The following ICMT variants were observed in gnomAD, a reference collection of about 807,000 sequenced individuals.
ICMT encodes isoprenylcysteine carboxyl methyltransferase.
In ICMT, 10 loss-of-function variants were observed where a neutral mutation model predicts 32.2. That is an observed-to-expected ratio of 0.31 (90% CI 0.19 to 0.53). ICMT has a LOEUF of 0.53. Ranked by LOEUF, ICMT falls within the 20% of genes least tolerant of loss-of-function variation. The pLI, the probability that ICMT is intolerant of heterozygous loss-of-function variation, is 0.96. For missense variants in ICMT, 265 were observed against 356.9 expected, an observed-to-expected ratio of 0.74 and a Z score of 2.07; for synonymous variants, 183 against 158.2, an observed-to-expected ratio of 1.16 and a Z score of -1.18.
At chr1:6,227,788 G>A (rs1257993965) in intron 4 of ICMT, among the ~76,000 whole-genome samples, 2 of 151,386 alleles carry the variant, frequency 1.3e-5, no homozygotes, top group Non-Finnish European at 2.9e-5. Flanking sequence ...CCCAGGAGGC[G>A]GAGCTTGCAG....
chr1:6,233,458 C>A lies in ICMT; in HGVS notation c.454+16G>T, dbSNP rs1668768628. The A allele has an allele frequency of 3.7e-6, 6 of 1,609,674 alleles. No homozygotes were observed. The African/African-American group carries it at 8.0e-5, about 22-fold the overall frequency. On this transcript the variant is annotated intron_variant, in intron 3 of 4. Coordinates refer to ENST00000343813, the MANE Select transcript of ICMT (RefSeq NM_012405.4). ...CACCCTTTTCCCCTCCAGAGGGGGA[C>A]ATAAGGCACACGAACCTGGCCAAAA...
In ICMT at chr1:6,222,894, AG is replaced by A. The variant is rs1310971083; in HGVS notation, c.*2185del. The A allele has an allele frequency of 2.0e-5, 3 of 152,388 alleles. No individual in the cohort carries two copies. Among genetic ancestry groups the A allele is most frequent in the Middle Eastern group, 3.4e-3 (1 of 294 alleles). 9.4% of individuals were successfully genotyped at this position (152,388 alleles called of 1,614,324 possible). A position where few individuals can be genotyped will look rare whatever the true frequency, so the allele number is the denominator to read the frequency against. On this transcript the variant is annotated 3_prime_UTR_variant, in exon 5 of 5. Coordinates refer to ENST00000343813, the MANE Select transcript of ICMT (RefSeq NM_012405.4). Reference sequence around the variant, plus strand: ...ACATCCTCTCCCGGTTTGCAGTTCTAGGAAGTGGAATTTGCTGCCCTAGGCG... The same window carrying A: ...ACATCCTCTCCCGGTTTGCAGTTCTAGAAGTGGAATTTGCTGCCCTAGGCG...
intron 4 of ICMT, among the ~76,000 whole-genome samples, chr1:6,228,815 T>C (rs1571224670): frequency 6.9e-6 from 1 of 145,122 alleles, no homozygotes; most frequent in Admixed American, 6.9e-5. Flanking sequence ...TCATCTGAGG[T>C]CAGGAGTTTG....
At chr1:6,228,632 A>G (rs542438121) in intron 4 of ICMT, among the ~76,000 whole-genome samples, 1 of 151,612 alleles carries the variant, frequency 6.6e-6, no homozygotes, top group Non-Finnish European at 1.5e-5. Context: ...ATGAGCCACC[A>G]TGCCCGGCCA....
chr1:6,231,934 C>T lies in ICMT; in HGVS notation c.640G>A (p.Val214Ile). ...VYAWFRHPSY[V>I]GWFYWSIGTQ... is the part of the protein sequence containing the mutation. ...CCAATACTCCAGTAAAACCACCCGA[C>T]GTAAGAAGGATGCCGAAACCAAGCG... is the stretch of plus-strand genomic sequence containing the variant. Residue 214 changes from valine to isoleucine, a missense_variant, in exon 4 of 5, where the codon GTC becomes ATC. Val to Ile is a conservative substitution (Grantham distance 29). This residue lies in a region of ICMT where 166 missense variants were observed against 264.3 expected (regional missense o/e 0.63). Coordinates refer to ENST00000343813, the MANE Select transcript of ICMT (RefSeq NM_012405.4). 2 of 1,594,206 alleles carry T rather than the reference C, an allele frequency of 1.3e-6. No individual in the cohort carries two copies. Among genetic ancestry groups the T allele is most frequent in the South Asian group, 1.1e-5 (1 of 89,306 alleles).
At position 6,233,595 on chromosome 1, in the gene ICMT, T is replaced by C. The variant is rs1404673110; in HGVS notation, c.333A>G (p.Thr111=). ...SLFHYSEYLV[T]AVNNPKSLSL... ...ACAGACTTTTGGGATTATTGACTGC[T>C]GTCACCAAGTATTCAGAATAGTGGA... The change falls in exon 3 of 5, where the codon ACA becomes ACG. Residue 111 remains threonine (T), a synonymous_variant. Transcript: ENST00000343813. 3.1e-6 allele frequency: 5 copies of C among 1,614,032 alleles called. No individual in the cohort carries two copies. In the South Asian group the frequency reaches 5.5e-5, roughly 18 times the overall value.
rs1333985642 is a variant in ICMT at position 6,221,557 on chromosome 1, T to G, written c.*3523A>C. 1 of 152,692 alleles carries G rather than the reference T, an allele frequency of 6.5e-6. No homozygotes were observed. The highest frequency in any genetic ancestry group is 6.5e-5 in the Admixed American group (1 of 15,282). 9.5% of individuals were successfully genotyped at this position (152,692 alleles called of 1,614,324 possible). A position where few individuals can be genotyped will look rare whatever the true frequency, so the allele number is the denominator to read the frequency against. ...GCAGTGAAGGGACAGTGGTGTGCTGTGCGTATCGTGGGGGTACTCCTAAGC... is the reference window on the plus strand; with the variant it reads ...GCAGTGAAGGGACAGTGGTGTGCTGGGCGTATCGTGGGGGTACTCCTAAGC... On this transcript the variant is annotated 3_prime_UTR_variant, in exon 5 of 5. Transcript: ENST00000343813.
At chr1:6,228,798 G>C (rs892549233) in intron 4 of ICMT, among the ~76,000 whole-genome samples, 4 of 151,876 alleles carry the variant, frequency 2.6e-5, no homozygotes, top group Non-Finnish European at 4.4e-5. Context: ...AGGCTGAAGC[G>C]GGTGGATCAT....
At chr1:6,228,534 A>G (rs1668679957) in intron 4 of ICMT, among the ~76,000 whole-genome samples, 1 of 151,500 alleles carries the variant, frequency 6.6e-6, no homozygotes, top group Non-Finnish European at 1.5e-5. Context: ...AGTAGAGATG[A>G]GGCTTCACTG....
rs750115388 is a variant in ICMT at position 6,232,149 on chromosome 1, G to A, written c.455-30C>T. 5.4e-5 allele frequency: 84 copies of A among 1,566,374 alleles called. No individual in the cohort carries two copies. The Middle Eastern group carries it at 3.2e-3, about 59-fold the overall frequency. On this transcript the variant is annotated intron_variant, in intron 3 of 4. Transcript: ENST00000343813. ...GGGAGAGAGACATCAACGACACACG[G>A]GGAGTGAAAACACTGGCCTGAGCTC...
chr1:6,229,210 G>A (rs1668692151), intron 4 of ICMT, among the ~76,000 whole-genome samples: 1 of 152,158 alleles, frequency 6.6e-6, no homozygotes, highest in African/African-American at 2.4e-5. Context: ...TGGGCATGGT[G>A]GCTCATGTCT....
intron 3 of ICMT, among the ~76,000 whole-genome samples, chr1:6,232,919 G>A (rs182599819): frequency 1.3e-4 from 20 of 149,206 alleles, no homozygotes; most frequent in Admixed American, 3.3e-4. Flanking sequence ...GTGCAGTGGC[G>A]CGATCACGGC....
chr1:6,231,858 TAA>T (rs59840043), intron 4 of ICMT, 42 bp downstream of exon 4: 3,181 of 1,019,694 alleles, frequency 3.1e-3, no homozygotes, highest in South Asian at 4.3e-3. Flanking sequence ...AAATGTTACT[TAA>T]AAAAAAAAAA....
chr1:6,231,339 G>A (rs1214412903), intron 4 of ICMT, among the ~76,000 whole-genome samples: 1 of 152,058 alleles, frequency 6.6e-6, no homozygotes, highest in Admixed American at 6.5e-5. Context: ...AGTGACAGAG[G>A]GCACTCCCTT....
At position 6,232,071 on chromosome 1, in the gene ICMT, A is replaced by G. The variant is rs773368171; in HGVS notation, c.503T>C (p.Val168Ala). 2 of 1,614,136 alleles carry G rather than the reference A, an allele frequency of 1.2e-6. No individual in the cohort carries two copies. The highest frequency in any genetic ancestry group is 2.2e-5 in the South Asian group (2 of 91,080). ...WLSVTGLLMVVFGECLRKAAM... is the reference protein window; with the variant it reads ...WLSVTGLLMVAFGECLRKAAM... ...CGCCTTCCTCAGACATTCTCCGAAGACCACCATCAGCAGCCCTGTGACACT... is the reference window on the plus strand; with the variant it reads ...CGCCTTCCTCAGACATTCTCCGAAGGCCACCATCAGCAGCCCTGTGACACT... Residue 168 changes from valine to alanine, a missense_variant, in exon 4 of 5, where the codon GTC (valine) becomes GCC (alanine). This residue lies in a region of ICMT where 166 missense variants were observed against 264.3 expected (regional missense o/e 0.63). Transcript: ENST00000343813.
chr1:6,235,404 C>T (rs1344358436), intron 1 of ICMT, among the ~76,000 whole-genome samples: 3 of 152,160 alleles, frequency 2.0e-5, no homozygotes, highest in African/African-American at 7.2e-5. Flanking sequence ...CACGTCACTG[C>T]GGGGCCTTTG....
chr1:6,227,451 C>T (rs960566073), intron 4 of ICMT, among the ~76,000 whole-genome samples: 7 of 152,224 alleles, frequency 4.6e-5, no homozygotes, highest in African/African-American at 1.2e-4. Context: ...TCTGGATTTG[C>T]CCAAAGACTT....
intron 2 of ICMT, chr1:6,234,577 C>A (rs941656477): frequency 1.8e-5 from 9 of 495,654 alleles, no homozygotes; most frequent in South Asian, 1.3e-4. Flanking sequence ...TGCCCGCCAC[C>A]GAGGACCTGC....
intron 3 of ICMT, 72 bp downstream of exon 3, chr1:6,233,402 C>A: frequency 1.4e-6 from 2 of 1,389,190 alleles, no homozygotes; most frequent in South Asian, 2.7e-5. Context: ...AAAGGTGAAT[C>A]AATGTCACTG....
Sources: gnomAD v4.1 joint callset for allele counts (sites outside exome capture counted in the v4.1 genomes callset) on GRCh38, gnomAD v4.1.1 for gene constraint, gnomAD v4.1.1 regional missense constraint, MANE v1.5 for transcripts, NCBI Gene and HGNC (gene_info 2026-07-23, HGNC 2026-07-21) for gene names.